The following PDE11A variants were observed in gnomAD, a reference collection of about 807,000 sequenced individuals.
The protein encoded by PDE11A is phosphodiesterase 11A.
Under a neutral mutation model 100.5 loss-of-function variants are expected in PDE11A, and 100 were observed. That is an observed-to-expected ratio of 1.00 (90% CI 0.85 to 1.18). PDE11A has a LOEUF of 1.18. Among genes scored for constraint, PDE11A ranks in the 50% most tolerant of loss-of-function variants. The probability of loss-of-function intolerance (pLI) is 0.00; values close to 1 mark genes in which losing one functional copy is unlikely to be tolerated. For missense variants in PDE11A, 1,141 were observed against 1,152.6 expected (o/e 0.99, Z 0.15); for synonymous variants, 381 against 420.8 (o/e 0.91, Z 1.16).
At chr2:177,651,149 T>A (rs1035116323) in intron 19 of PDE11A, among the ~76,000 whole-genome samples, 3 of 152,190 alleles carry the variant, frequency 2.0e-5, no homozygotes, top group Non-Finnish European at 4.4e-5. Flanking sequence ...GGAAAGTTAG[T>A]CTTGAGCACA....
chr2:177,910,425 TC>T (rs1487673441), intron 2 of PDE11A, among the ~76,000 whole-genome samples: 2 of 85,798 alleles, frequency 2.3e-5, no homozygotes, highest in African/African-American at 1.4e-4. Flanking sequence ...TCTCTCTCTC[TC>T]TCTATATATA....
intron 16 of PDE11A, chr2:177,676,146 A>G (rs1015114781): frequency 5.9e-6 from 1 of 168,808 alleles, no homozygotes; most frequent in African/African-American, 2.4e-5. Context: ...CACATAAGAA[A>G]GCACAGGAAT....
upstream of PDE11A, among the ~76,000 whole-genome samples, chr2:178,073,305 T>C (rs2087163648): frequency 6.6e-6 from 1 of 152,182 alleles, no homozygotes; most frequent in African/African-American, 2.4e-5. Context: ...TAAATATTAA[T>C]GGAATGGCAT....
At chr2:177,835,529 G>T (rs1039625123) in intron 6 of PDE11A, among the ~76,000 whole-genome samples, 1 of 152,188 alleles carries the variant, frequency 6.6e-6, no homozygotes, top group Admixed American at 6.5e-5. Flanking sequence ...GGCAGCCCTC[G>T]CTTGCTCTTG....
In PDE11A at chr2:177,728,045, T is replaced by C. The variant is rs1261470151; in HGVS notation, c.1916A>G (p.Lys639Arg). 6.2e-7 allele frequency: 1 copy of C among 1,613,200 alleles called. No individual in the cohort carries two copies. The highest frequency in any genetic ancestry group is 8.5e-7 in the Non-Finnish European group (1 of 1,179,504). The change falls in exon 11 of 20, where the codon AAA becomes AGA. Residue 639 changes from lysine (K) to arginine (R), a missense_variant. Physicochemically the swap from Lys to Arg is conservative, Grantham distance 26 (BLOSUM62 2). Coordinates refer to ENST00000286063, the MANE Select transcript of PDE11A (RefSeq NM_016953.4). ...RMFMELGMVQ[K>R]FKIDYETLCR... ...TCTTACCTCATAGTCAATTTTAAATTTCTGTACCATCCCCAGCTCCATGAA... is the reference window on the plus strand; with the variant it reads ...TCTTACCTCATAGTCAATTTTAAATCTCTGTACCATCCCCAGCTCCATGAA...
At chr2:177,948,875 A>T (rs2085474645) in intron 2 of PDE11A, among the ~76,000 whole-genome samples, 1 of 152,214 alleles carries the variant, frequency 6.6e-6, no homozygotes, top group African/African-American at 2.4e-5. Flanking sequence ...GCAACATTGC[A>T]TTCCAGCCTG....
chr2:177,845,974 A>G (rs952910112), intron 5 of PDE11A, among the ~76,000 whole-genome samples: 1 of 150,728 alleles, frequency 6.6e-6, no homozygotes, highest in Non-Finnish European at 1.5e-5. Context: ...GCAGCAGTAC[A>G]GTCCAGCTTC....
intron 9 of PDE11A, among the ~76,000 whole-genome samples, chr2:177,781,440 T>C (rs1449956221): frequency 6.6e-6 from 1 of 152,170 alleles, no homozygotes; most frequent in African/African-American, 2.4e-5. Flanking sequence ...ATGGTGCCAA[T>C]AGAGTTTGCG....
At chr2:177,842,722 G>A (rs2083511112) in intron 5 of PDE11A, among the ~76,000 whole-genome samples, 1 of 152,222 alleles carries the variant, frequency 6.6e-6, no homozygotes, top group South Asian at 2.1e-4. Flanking sequence ...AAGAGGTACT[G>A]CAGAAGATTC....
Position 177,652,347 on chromosome 2 carries a change from G to A in PDE11A, c.2646+11519C>T, listed in dbSNP as rs111692272. Among the ~76,000 whole-genome samples, 1,231 of 152,288 alleles carry A rather than the reference G, an allele frequency of 8.1e-3. 17 individuals carry two copies. The highest frequency in any genetic ancestry group is 0.028 in the African/African-American group (1,159 of 41,550). ...GAGCAGAGTCCTCAAGTAAGACTAGGAGTTGCATGGGGAGAGGAGGGGAAG... is the reference window on the plus strand; with the variant it reads ...GAGCAGAGTCCTCAAGTAAGACTAGAAGTTGCATGGGGAGAGGAGGGGAAG... On this transcript the variant is annotated intron_variant, in intron 19 of 19. Transcript: ENST00000286063.
chr2:177,881,472 T>C (rs1203152253), intron 4 of PDE11A, among the ~76,000 whole-genome samples: 1 of 152,144 alleles, frequency 6.6e-6, no homozygotes, highest in Non-Finnish European at 1.5e-5. Flanking sequence ...AAATTTAAAG[T>C]GCAAGGTGAG....
At position 177,628,604 on chromosome 2, in the gene PDE11A, A is replaced by G. The variant is rs538165253; in HGVS notation, c.*803T>C. On this transcript the variant is annotated 3_prime_UTR_variant, in exon 20 of 20. Coordinates refer to ENST00000286063, the MANE Select transcript of PDE11A (RefSeq NM_016953.4). ...ATGGCTCTGCTCTGTCCTGTGAACT[A>G]TAGTTTCTAGATGTCACTTGTGGTA... 1 of 152,450 alleles carries G rather than the reference A, an allele frequency of 6.6e-6. No individual in the cohort carries two copies. Among genetic ancestry groups the G allele is most frequent in the Non-Finnish European group, 1.5e-5 (1 of 68,138 alleles). 9.4% of individuals were successfully genotyped at this position (152,450 alleles called of 1,614,324 possible). A position where few individuals can be genotyped will look rare whatever the true frequency, so the allele number is the denominator to read the frequency against.
At chr2:177,746,514 A>C (rs749208) in intron 10 of PDE11A, among the ~76,000 whole-genome samples, 102,900 of 152,098 alleles carry the variant, frequency 0.68, 37,570 homozygotes, top group East Asian at 0.86. Context: ...GCATATTCTG[A>C]TATCACATCT....
chr2:177,868,096 C>T (rs1244281301), intron 5 of PDE11A, among the ~76,000 whole-genome samples: 1 of 152,120 alleles, frequency 6.6e-6, no homozygotes, highest in Non-Finnish European at 1.5e-5. Flanking sequence ...AAGGGGTAAT[C>T]TGTTTTGCAA....
chr2:177,660,553 TGGA>T (rs2080471172), intron 19 of PDE11A, among the ~76,000 whole-genome samples: 1 of 152,234 alleles, frequency 6.6e-6, no homozygotes, highest in African/African-American at 2.4e-5. Context: ...GAATAGATTT[TGGA>T]GGAGGAGGAG....
chr2:177,641,490 T>C (rs77672633), intron 19 of PDE11A, among the ~76,000 whole-genome samples: 3,865 of 151,078 alleles, frequency 0.026, 141 homozygotes, highest in African/African-American at 0.088. Context: ...AAATGTTAGT[T>C]ACTATATGTG....
intron 9 of PDE11A, among the ~76,000 whole-genome samples, chr2:177,804,620 C>A (rs1218154052): frequency 6.6e-6 from 1 of 151,832 alleles, no homozygotes; most frequent in East Asian, 1.9e-4. Flanking sequence ...GATACCTGCA[C>A]CCATATATTT....
chr2:177,933,193 GAA>G (rs546062143), intron 2 of PDE11A, among the ~76,000 whole-genome samples: 1,799 of 151,826 alleles, frequency 0.012, 22 homozygotes, highest in Non-Finnish European at 0.017. Context: ...CAAACAAATG[GAA>G]AAAAATTCCA....
At chr2:178,023,930 A>G (rs1162541067) in intron 1 of PDE11A, among the ~76,000 whole-genome samples, 6 of 152,214 alleles carry the variant, frequency 3.9e-5, no homozygotes, top group Non-Finnish European at 2.9e-5. Context: ...AGACATACAT[A>G]GGAATAGAAC....
Sources: gnomAD v4.1 joint callset for allele counts (sites outside exome capture counted in the v4.1 genomes callset) on GRCh38, gnomAD v4.1.1 for gene constraint, MANE v1.5 for transcripts, NCBI Gene and HGNC (gene_info 2026-07-23, HGNC 2026-07-21) for gene names.